The following MBOAT4 variants were observed in gnomAD, a reference collection of about 807,000 sequenced individuals.
MBOAT4 encodes membrane bound ghrelin O-acyltransferase MBOAT4.
In MBOAT4, 11 loss-of-function variants were observed where a neutral mutation model predicts 13.2. The ratio of observed to expected loss-of-function variants is 0.84; its 90% CI spans 0.53 to 1.38. MBOAT4 has a LOEUF of 1.38. Among genes scored for constraint, MBOAT4 ranks in the 40% most tolerant of loss-of-function variants. The pLI is 0.00. For missense variants in MBOAT4, 481 were observed against 527.2 expected (o/e 0.91, Z 0.86); for synonymous variants, 202 against 210.3 (o/e 0.96, Z 0.34).
At chr8:30,135,947 GAC>G (rs1803130342) in intron 2 of MBOAT4, among the ~76,000 whole-genome samples, 1 of 148,806 alleles carries the variant, frequency 6.7e-6, no homozygotes, top group African/African-American at 2.5e-5. Flanking sequence ...AAATTACAAT[GAC>G]ACACTCTACA....
rs150691027 is a variant in MBOAT4, at chr8:30,131,923, G to C, written c.*20C>G. 1 of 1,532,922 alleles carries C rather than the reference G, an allele frequency of 6.5e-7. No homozygotes were observed. The highest frequency in any genetic ancestry group is 8.8e-7 in the Non-Finnish European group (1 of 1,135,140). 95.0% of individuals were successfully genotyped at this position (1,532,922 alleles called of 1,614,324 possible). ...CTAAAATGTTTCCTGGGTGTTTAAG[G>C]TGAAAGCCAGGGAAAGATGTCAGTT... On this transcript the variant is annotated 3_prime_UTR_variant, in exon 3 of 3. Transcript: ENST00000320542.
At chr8:30,136,102 A>G (rs373045451) in intron 2 of MBOAT4, among the ~76,000 whole-genome samples, 1 of 152,134 alleles carries the variant, frequency 6.6e-6, no homozygotes, top group South Asian at 2.1e-4. Context: ...AAATGCCACC[A>G]AACCCTGCTC....
At chr8:30,144,426 G>T in intron 1 of MBOAT4, 57 bp downstream of exon 1, 1 of 1,306,818 alleles carries the variant, frequency 7.7e-7, no homozygotes, top group Admixed American at 2.1e-5. Context: ...GTGAGCCACC[G>T]CACCCAGTCA....
At position 30,132,667 on chromosome 8, in the gene MBOAT4, G is replaced by T. The variant is rs1262451177; in HGVS notation, c.584C>A (p.Ala195Asp). 2 of 1,551,726 alleles carry T rather than the reference G, an allele frequency of 1.3e-6. No homozygotes were observed. Among genetic ancestry groups the T allele is most frequent in the Non-Finnish European group, 1.7e-6 (2 of 1,147,008 alleles). The change falls in exon 3 of 3, where the codon GCT (alanine) becomes GAT (aspartate). Residue 195 changes from alanine to aspartate, a missense_variant. Ala to Asp is a moderately radical substitution (Grantham distance 126). Transcript: ENST00000320542. ...RFQARVQGSS[A>D]LHPRHSFWAL... ...CCAGAAAGAGTGTCTGGGATGCAAA[G>T]CACTGGACCCTTGAACACGAGCCTG...
chr8:30,134,445 A>T (rs184767995), intron 2 of MBOAT4, among the ~76,000 whole-genome samples: 20 of 151,946 alleles, frequency 1.3e-4, no homozygotes, highest in African/African-American at 4.8e-4. Flanking sequence ...AAAAAAAAAA[A>T]CAAAAAAAAA....
At position 30,132,302 on chromosome 8, in the gene MBOAT4, G is replaced by A. The variant is rs1341458787; in HGVS notation, c.949C>T (p.Leu317Phe). The A allele has an allele frequency of 6.4e-7, 1 of 1,551,766 alleles. No individual in the cohort carries two copies. Among genetic ancestry groups the A allele is most frequent in the East Asian group, 2.4e-5 (1 of 40,924 alleles). ...NQSTARWLRR[L>F]VFQHSRAWPL... is the part of the protein sequence containing the mutation. ...CAAGCCCTGCTGTGCTGGAATACAAGCCGTCGGAGCCATCGAGCTGTGCTT... is the reference window on the plus strand; with the variant it reads ...CAAGCCCTGCTGTGCTGGAATACAAACCGTCGGAGCCATCGAGCTGTGCTT... The change falls in exon 3 of 3, where the codon CTT becomes TTT. Residue 317 changes from leucine (L) to phenylalanine (F), a missense_variant. Leu to Phe is a conservative substitution (Grantham distance 22, BLOSUM62 0). Coordinates refer to ENST00000320542, the MANE Select transcript of MBOAT4 (RefSeq NM_001100916.2).
rs182454506 is a variant in MBOAT4 at position 30,136,651 on chromosome 8, C to T, written c.344+1881G>A. Reference sequence around the variant, plus strand: ...TCCATCCCATTTGGTACTTCCTACGCCCCACCCACCTGCCATCTTGCCTTT... The same window carrying T: ...TCCATCCCATTTGGTACTTCCTACGTCCCACCCACCTGCCATCTTGCCTTT... On this transcript the variant is annotated intron_variant, in intron 2 of 2. Coordinates refer to ENST00000320542, the MANE Select transcript of MBOAT4 (RefSeq NM_001100916.2). 3.9e-5 allele frequency among the ~76,000 whole-genome samples: 6 copies of T among 152,258 alleles called. No individual in the cohort carries two copies. In the East Asian group the frequency reaches 1.2e-3, roughly 29 times the overall value.
In MBOAT4 at chr8:30,131,869, T is replaced by C; in HGVS notation, c.*74A>G. ...TTTATTATGGAAAAGTTCAAATGTA[T>C]GCATTATCGATGCGTCATCTGGCAC... On this transcript the variant is annotated 3_prime_UTR_variant, in exon 3 of 3. Coordinates refer to ENST00000320542, the MANE Select transcript of MBOAT4 (RefSeq NM_001100916.2). The C allele has an allele frequency of 6.9e-7, 1 of 1,454,836 alleles. No homozygotes were observed. Among genetic ancestry groups the C allele is most frequent in the South Asian group, 1.5e-5 (1 of 68,282 alleles). 90.1% of individuals were successfully genotyped at this position (1,454,836 alleles called of 1,614,324 possible).
chr8:30,135,305 A>G (rs2117539025), intron 2 of MBOAT4, among the ~76,000 whole-genome samples: 1 of 152,322 alleles, frequency 6.6e-6, no homozygotes, highest in South Asian at 2.1e-4. Flanking sequence ...AATGATGAGG[A>G]ACATTGTGGG....
chr8:30,144,563 C>CGATATAG lies in MBOAT4; in HGVS notation c.32_38dup (p.Phe14TyrfsTer94), dbSNP rs1803318381. ...AGGGAAATGCAGCCCCCTGGTAAAA[C>CGATATAG]GATATAGGATGGAGAAAGAACAGCC... is the stretch of plus-strand genomic sequence containing the variant. On this transcript the variant is annotated frameshift_variant, in exon 1 of 3. Coordinates refer to ENST00000320542, the MANE Select transcript of MBOAT4 (RefSeq NM_001100916.2). LOFTEE classifies it high-confidence loss of function. The CGATATAG allele has an allele frequency of 6.4e-7, 1 of 1,551,260 alleles. No homozygotes were observed. Among genetic ancestry groups the CGATATAG allele is most frequent in the Admixed American group, 2.0e-5 (1 of 50,982 alleles).
chr8:30,138,835 A>T, intron 1 of MBOAT4, 79 bp from the exon 2 acceptor site: 1 of 1,139,544 alleles, frequency 8.8e-7, no homozygotes, highest in Non-Finnish European at 1.3e-6. Context: ...CACTCCAGGG[A>T]ACCCGATCTG....
Position 30,131,830 on chromosome 8 carries a change from A to G in MBOAT4, c.*113T>C. ...AAGTCACTGGGTATATCCATCCAAA[A>G]CTTTAGAAAAAATTTTATTATGGAA... On this transcript the variant is annotated 3_prime_UTR_variant, in exon 3 of 3. Coordinates refer to ENST00000320542, the MANE Select transcript of MBOAT4 (RefSeq NM_001100916.2). 1 of 1,345,642 alleles carries G rather than the reference A, an allele frequency of 7.4e-7. No homozygotes were observed. Among genetic ancestry groups the G allele is most frequent in the South Asian group, 1.6e-5 (1 of 63,626 alleles). 83.4% of individuals were successfully genotyped at this position (1,345,642 alleles called of 1,614,324 possible).
rs1386656860 is a variant in MBOAT4, at chr8:30,138,566, T to G, written c.310A>C (p.Thr104Pro). 1 of 1,551,524 alleles carries G rather than the reference T, an allele frequency of 6.4e-7. No individual in the cohort carries two copies. Among genetic ancestry groups the G allele is most frequent in the East Asian group, 2.4e-5 (1 of 40,912 alleles). The change falls in exon 2 of 3, where the codon ACT becomes CCT. Residue 104 changes from threonine (T) to proline (P), a missense_variant. Transcript: ENST00000320542. ...QTLCHLGLHY[T>P]EYYLHEPPSV... ...GGAGGCTCATGCAGATAATACTCAG[T>G]GTAGTGCAGACCTAGGTGACACAAG...
rs4733141 is a variant in MBOAT4, at chr8:30,138,642, A to T, written c.234T>A (p.Ala78=). The part of the protein sequence containing the change: ...VCAVALLCSL[A]PQQVHRWTFC... ...AGGTCCACCTGTGGACTTGCTGAGG[A>T]GCCAGGGAACAGAGGAGAGCCACAG... Residue 78 remains alanine (A), a synonymous_variant, in exon 2 of 3, where the codon GCT becomes GCA. Coordinates refer to ENST00000320542, the MANE Select transcript of MBOAT4 (RefSeq NM_001100916.2). 15 of 1,551,430 alleles carry T rather than the reference A, an allele frequency of 9.7e-6. No homozygotes were observed. Among genetic ancestry groups the T allele is most frequent in the Non-Finnish European group, 1.2e-5 (14 of 1,147,014 alleles).
At position 30,144,553 on chromosome 8, in the gene MBOAT4, C is replaced by G. The variant is rs1477468435; in HGVS notation, c.49G>C (p.Gly17Arg). Residue 17 changes from glycine (G) to arginine (R), a missense_variant, in exon 1 of 3, where the codon GGG becomes CGG. Coordinates refer to ENST00000320542, the MANE Select transcript of MBOAT4 (RefSeq NM_001100916.2). ...FFLHPISFYQ[G>R]AAFPFALLFN... is the part of the protein sequence containing the mutation. ...AGAAGTGCAAAGGGAAATGCAGCCCCCTGGTAAAACGATATAGGATGGAGA... is the reference window on the plus strand; with the variant it reads ...AGAAGTGCAAAGGGAAATGCAGCCCGCTGGTAAAACGATATAGGATGGAGA... 6.4e-7 allele frequency: 1 copy of G among 1,551,418 alleles called. No individual in the cohort carries two copies. The highest frequency in any genetic ancestry group is 8.7e-7 in the Non-Finnish European group (1 of 1,146,922).
At position 30,132,571 on chromosome 8, in the gene MBOAT4, T is replaced by A. The variant is rs757655456; in HGVS notation, c.680A>T (p.Asp227Val). The change falls in exon 3 of 3, where the codon GAT (aspartate) becomes GTT (valine). Residue 227 changes from aspartate to valine, a missense_variant. Transcript: ENST00000320542. The part of the protein sequence containing the change: ...CLNVAVSRVV[D>V]AGAGLTDCQQ... ...GCAATCAGTCAGTCCCGCTCCTGCA[T>A]CCACCACCCTGCTCACTGCCACGTT... The A allele has an allele frequency of 6.4e-7, 1 of 1,551,724 alleles. No individual in the cohort carries two copies. Among genetic ancestry groups the A allele is most frequent in the South Asian group, 1.2e-5 (1 of 84,064 alleles).
chr8:30,132,429 C>T lies in MBOAT4; in HGVS notation c.822G>A (p.Glu274=). 6.4e-7 allele frequency: 1 copy of T among 1,551,768 alleles called. No homozygotes were observed. Among genetic ancestry groups the T allele is most frequent in the South Asian group, 1.2e-5 (1 of 84,064 alleles). ...CCTCCTCTCCAGGGCTCTGACCAAG[C>T]TCAGGCCCAAAGCCCGCTGCGTGGA... ...SLLHAAGFGP[E]LGQSPGEEGY... Residue 274 remains glutamate, a synonymous_variant, in exon 3 of 3, where the codon GAG becomes GAA. Coordinates refer to ENST00000320542, the MANE Select transcript of MBOAT4 (RefSeq NM_001100916.2).
chr8:30,139,089 G>A (rs938056568), intron 1 of MBOAT4, among the ~76,000 whole-genome samples: 1 of 151,352 alleles, frequency 6.6e-6, no homozygotes, highest in African/African-American at 2.4e-5. Context: ...CCTCCTACCT[G>A]GGAGGGACTA....
chr8:30,139,911 T>C (rs1321990996), intron 1 of MBOAT4, among the ~76,000 whole-genome samples: 3 of 152,224 alleles, frequency 2.0e-5, no homozygotes, highest in Non-Finnish European at 2.9e-5. Flanking sequence ...ACTTGAGCGA[T>C]GATGACACCA....
Sources: allele counts gnomAD v4.1 joint callset (sites outside exome capture counted in the v4.1 genomes callset), GRCh38; gene constraint gnomAD v4.1.1; transcripts MANE v1.5; gene names NCBI Gene and HGNC (gene_info 2026-07-23, HGNC 2026-07-21).